Variants in CNTNAP2 observed in about 807,000 individuals in gnomAD.
CNTNAP2 encodes contactin associated protein 2, also known as contactin-associated protein-like 2.
Under a neutral mutation model 155.2 loss-of-function variants are expected in CNTNAP2, and 98 were observed. The ratio of observed to expected loss-of-function variants is 0.63; its 90% CI spans 0.54 to 0.75. The LOEUF (loss-of-function observed/expected upper bound fraction) is 0.75, where lower values mean the gene tolerates loss of function less well. CNTNAP2 is among the 30% of genes least tolerant of loss of function. The probability of loss-of-function intolerance (pLI) is 0.00; values close to 1 mark genes in which losing one functional copy is unlikely to be tolerated. For synonymous variants in CNTNAP2, 651 were observed against 631.2 expected, an observed-to-expected ratio of 1.03 and a Z score of -0.47; for missense variants, 1,727 against 1,688.1, an observed-to-expected ratio of 1.02 and a Z score of -0.40.
At chr7:146,133,453 C>A (rs373743548) in intron 1 of CNTNAP2, among the ~76,000 whole-genome samples, 3 of 151,836 alleles carry the variant, frequency 2.0e-5, no homozygotes, top group Non-Finnish European at 4.4e-5. Context: ...TTTTGTTGCC[C>A]TTGCTTTTGG....
chr7:147,140,974 G>A (rs186731403), intron 8 of CNTNAP2, among the ~76,000 whole-genome samples: 1 of 152,132 alleles, frequency 6.6e-6, no homozygotes, highest in South Asian at 2.1e-4. Flanking sequence ...CTACTGCTAA[G>A]ATTATGATGA....
chr7:146,579,118 A>G (rs988375380), intron 1 of CNTNAP2, among the ~76,000 whole-genome samples: 4 of 152,138 alleles, frequency 2.6e-5, no homozygotes, highest in African/African-American at 9.7e-5. Flanking sequence ...AGATGATTTC[A>G]TTACATATTT....
intron 12 of CNTNAP2, among the ~76,000 whole-genome samples, chr7:147,587,733 G>A (rs1055163168): frequency 3.3e-5 from 5 of 152,076 alleles, no homozygotes; most frequent in South Asian, 2.1e-4. Context: ...CAAATAAGAC[G>A]CATAGTGGTA....
chr7:146,947,747 A>C (rs1797220435), intron 3 of CNTNAP2, among the ~76,000 whole-genome samples: 1 of 151,316 alleles, frequency 6.6e-6, no homozygotes, highest in East Asian at 2.0e-4. Context: ...TGCTACAAAA[A>C]ATAAAATAAA....
intron 13 of CNTNAP2, among the ~76,000 whole-genome samples, chr7:147,802,622 G>A (rs113570899): frequency 0.025 from 3,748 of 152,228 alleles, 70 homozygotes; most frequent in South Asian, 0.05. Context: ...AAAAAAGTAC[G>A]AAAACCAGTC....
intron 3 of CNTNAP2, among the ~76,000 whole-genome samples, chr7:146,867,384 G>C (rs1309544574): frequency 6.6e-6 from 1 of 152,098 alleles, no homozygotes; most frequent in African/African-American, 2.4e-5. Context: ...ATATTTCATG[G>C]TGTATATTTA....
In CNTNAP2 at chr7:147,985,418, T is replaced by C. The variant is rs1373831809; in HGVS notation, c.2383+7429T>C. On this transcript the variant is annotated intron_variant, in intron 15 of 23. Transcript: ENST00000361727. ...GATTTATGTTTTTACTTTTTTTTTT[T>C]TTTTTTTTGCGAATCTTCAGAGGGC... 7.0e-3 allele frequency among the ~76,000 whole-genome samples: 1,028 copies of C among 147,390 alleles called. 10 individuals carry two copies. Among genetic ancestry groups the C allele is most frequent in the Non-Finnish European group, 0.012 (803 of 66,764 alleles).
intron 5 of CNTNAP2, among the ~76,000 whole-genome samples, chr7:147,115,516 C>A (rs1800968325): frequency 6.6e-6 from 1 of 152,068 alleles, no homozygotes; most frequent in South Asian, 2.1e-4. Context: ...TTGTTAATTC[C>A]TTTTCATTCT....
intron 21 of CNTNAP2, among the ~76,000 whole-genome samples, chr7:148,365,611 AC>A (rs1798722515): frequency 6.6e-6 from 1 of 152,050 alleles, no homozygotes; most frequent in Non-Finnish European, 1.5e-5. Flanking sequence ...GTTGCAGTGA[AC>A]CAAGATCGCA....
At chr7:147,926,995 T>C (rs1800408385) in intron 14 of CNTNAP2, among the ~76,000 whole-genome samples, 1 of 152,198 alleles carries the variant, frequency 6.6e-6, no homozygotes, top group Non-Finnish European at 1.5e-5. Context: ...CAGAGAAACA[T>C]GTTTAAATTG....
intron 1 of CNTNAP2, among the ~76,000 whole-genome samples, chr7:146,138,330 TA>T (rs759723362): frequency 6.6e-6 from 1 of 152,170 alleles, no homozygotes; most frequent in Non-Finnish European, 1.5e-5. Context: ...TTATTAAGTA[TA>T]TTCAGGTTTT....
At chr7:147,384,591 T>C (rs980083629) in intron 9 of CNTNAP2, among the ~76,000 whole-genome samples, 4 of 152,088 alleles carry the variant, frequency 2.6e-5, no homozygotes, top group African/African-American at 9.7e-5. Flanking sequence ...AGACTGAAAA[T>C]GTTCTTTAGT....
intron 1 of CNTNAP2, among the ~76,000 whole-genome samples, chr7:146,163,419 C>A (rs1798255359): frequency 6.7e-6 from 1 of 149,634 alleles, no homozygotes; most frequent in African/African-American, 2.4e-5. Flanking sequence ...ACTAAAAATA[C>A]AAAAATAAAA....
At chr7:146,159,656 A>C (rs570337936) in intron 1 of CNTNAP2, among the ~76,000 whole-genome samples, 12 of 152,344 alleles carry the variant, frequency 7.9e-5, no homozygotes, top group African/African-American at 2.6e-4. Flanking sequence ...GCCATTAATA[A>C]TGGTAAAGGG....
intron 10 of CNTNAP2, among the ~76,000 whole-genome samples, chr7:147,444,528 T>TC (rs1554485419): frequency 2.0e-5 from 3 of 149,776 alleles, no homozygotes; most frequent in African/African-American, 7.3e-5. Context: ...AAATTTTCTT[T>TC]TTTTTTTTTT....
intron 15 of CNTNAP2, among the ~76,000 whole-genome samples, chr7:148,042,392 C>T (rs188358659): frequency 3.1e-4 from 47 of 152,236 alleles, no homozygotes; most frequent in Admixed American, 1.8e-3. Flanking sequence ...GAGTTGTTGC[C>T]TGATTTCTTT....
intron 3 of CNTNAP2, among the ~76,000 whole-genome samples, chr7:146,884,354 G>A (rs905099691): frequency 1.3e-5 from 2 of 152,104 alleles, no homozygotes; most frequent in African/African-American, 4.8e-5. Flanking sequence ...CAGGTACATT[G>A]CAGCTAAAAT....
At chr7:147,509,128 C>G (rs1798969244) in intron 11 of CNTNAP2, among the ~76,000 whole-genome samples, 1 of 152,150 alleles carries the variant, frequency 6.6e-6, no homozygotes. Flanking sequence ...TGCAAACTCC[C>G]TCTTTTACTT....
In CNTNAP2 at chr7:146,994,860, A is replaced by C. The variant is rs141898028; in HGVS notation, c.403-49047A>C. ...AGTTATTTTTGTGGTGAGAACACTT[A>C]ATATCAACTCTCTTTGTGTTTTTTA... On this transcript the variant is annotated intron_variant, in intron 3 of 23. Transcript: ENST00000361727. Among the ~76,000 whole-genome samples the C allele has an allele frequency of 5.4e-3, 777 of 145,156 alleles. 8 individuals are homozygous for C. Among genetic ancestry groups the C allele is most frequent in the African/African-American group, 0.018 (742 of 41,210 alleles).
Sources: allele counts gnomAD v4.1 joint callset (sites outside exome capture counted in the v4.1 genomes callset), GRCh38; gene constraint gnomAD v4.1.1; transcripts MANE v1.5; gene names NCBI Gene and HGNC (gene_info 2026-07-23, HGNC 2026-07-21).